Variants in SNTB1 observed in about 807,000 individuals in gnomAD.
The protein encoded by SNTB1 is beta-1-syntrophin.
Under a neutral mutation model 48.9 loss-of-function variants are expected in SNTB1, and 36 were observed. The ratio of observed to expected loss-of-function variants is 0.74; its 90% CI spans 0.56 to 0.97. SNTB1 has a LOEUF of 0.97. SNTB1 is among the 50% of genes least tolerant of loss of function. The probability of loss-of-function intolerance (pLI) is 0.00; values close to 1 mark genes in which losing one functional copy is unlikely to be tolerated. For synonymous variants in SNTB1, 299 were observed against 294.6 expected, an observed-to-expected ratio of 1.01 and a Z score of -0.15; for missense variants, 786 against 703.4, an observed-to-expected ratio of 1.12 and a Z score of -1.33.
At chr8:120,666,035 C>A (rs4307384) in intron 2 of SNTB1, among the ~76,000 whole-genome samples, 1 of 151,918 alleles carries the variant, frequency 6.6e-6, no homozygotes, top group Non-Finnish European at 1.5e-5. Flanking sequence ...GCTGTTTGGT[C>A]ATTCTGAGTC....
intron 3 of SNTB1, among the ~76,000 whole-genome samples, chr8:120,623,554 AC>A (rs1486192438): frequency 2.6e-5 from 4 of 152,128 alleles, no homozygotes; most frequent in Non-Finnish European, 4.4e-5. Flanking sequence ...CCCTAGTGCA[AC>A]CCCAATGTGG....
chr8:120,635,200 C>G (rs1190496015), intron 2 of SNTB1, among the ~76,000 whole-genome samples: 1 of 152,132 alleles, frequency 6.6e-6, no homozygotes, highest in Non-Finnish European at 1.5e-5. Flanking sequence ...CTCTTAGGCA[C>G]TTTTCAAAAA....
Position 120,693,796 on chromosome 8 carries a change from G to C in SNTB1, c.684C>G (p.Asp228Glu), listed in dbSNP as rs58509927. The change falls in exon 2 of 7, where the codon GAC (aspartate) becomes GAG (glutamate). Residue 228 changes from aspartate (D) to glutamate (E), a missense_variant. Transcript: ENST00000517992. ...AGGAGAAGGACTGCGATGACGGGGG[G>C]TCTGAGGTGCTGCCCCCTAACCGAG... The part of the protein sequence containing the change: ...ESPRLGGSTS[D>E]PPSSQSFSFH... 3.8e-3 allele frequency: 6,054 copies of C among 1,614,134 alleles called. 178 individuals carry two copies. In the African/African-American group the frequency reaches 0.071, roughly 19 times the overall value.
chr8:120,617,251 G>C (rs1236629810), intron 3 of SNTB1, among the ~76,000 whole-genome samples: 1 of 152,184 alleles, frequency 6.6e-6, no homozygotes, highest in Non-Finnish European at 1.5e-5. Context: ...GTTAAAGGCA[G>C]TAAGGAATAT....
intron 1 of SNTB1, among the ~76,000 whole-genome samples, chr8:120,748,191 TG>T (rs1371670360): frequency 1.3e-5 from 2 of 152,210 alleles, no homozygotes; most frequent in East Asian, 3.9e-4. Flanking sequence ...AGCTCTGTTG[TG>T]GCAACAGTGG....
At chr8:120,589,826 C>T (rs922558620) in intron 3 of SNTB1, among the ~76,000 whole-genome samples, 6 of 152,138 alleles carry the variant, frequency 3.9e-5, no homozygotes, top group Non-Finnish European at 7.3e-5. Context: ...CCAAATATCA[C>T]CACATTGGGA....
intron 1 of SNTB1, among the ~76,000 whole-genome samples, chr8:120,724,149 C>T (rs145350391): frequency 6.6e-6 from 1 of 152,310 alleles, no homozygotes; most frequent in East Asian, 1.9e-4. Context: ...AGCCTTTTTG[C>T]TGTAGGTTCA....
At chr8:120,623,764 A>G (rs1036944825) in intron 3 of SNTB1, among the ~76,000 whole-genome samples, 2 of 152,148 alleles carry the variant, frequency 1.3e-5, no homozygotes, top group Non-Finnish European at 2.9e-5. Flanking sequence ...TAGGAAAATC[A>G]TTGTGTTTTG....
At chr8:120,778,014 C>A (rs1428088541) in intron 1 of SNTB1, among the ~76,000 whole-genome samples, 1 of 152,220 alleles carries the variant, frequency 6.6e-6, no homozygotes, top group Non-Finnish European at 1.5e-5. Context: ...TGCTGTTTTG[C>A]AAACCACAGC....
chr8:120,644,502 T>A (rs947635870), intron 2 of SNTB1, among the ~76,000 whole-genome samples: 3 of 152,174 alleles, frequency 2.0e-5, no homozygotes, highest in Non-Finnish European at 4.4e-5. Flanking sequence ...TCATCATTTT[T>A]TATGGCTACA....
chr8:120,581,187 G>GA (rs545403788), intron 3 of SNTB1, among the ~76,000 whole-genome samples: 54 of 151,980 alleles, frequency 3.6e-4, no homozygotes, highest in Non-Finnish European at 5.3e-4. Context: ...AGGAGAATGA[G>GA]AAAAAAGGCC....
At chr8:120,742,716 T>C (rs188533543) in intron 1 of SNTB1, among the ~76,000 whole-genome samples, 3 of 152,320 alleles carry the variant, frequency 2.0e-5, no homozygotes, top group Admixed American at 2.0e-4. Context: ...CAGTAAGACA[T>C]TTCCTTCCTT....
chr8:120,766,604 A>G (rs1819528779), intron 1 of SNTB1, among the ~76,000 whole-genome samples: 1 of 152,322 alleles, frequency 6.6e-6, no homozygotes, highest in Middle Eastern at 3.4e-3. Context: ...ATCATATGCC[A>G]ATTATATATT....
At chr8:120,545,426 G>A (rs1486313892) in intron 5 of SNTB1, among the ~76,000 whole-genome samples, 1 of 152,178 alleles carries the variant, frequency 6.6e-6, no homozygotes, top group Non-Finnish European at 1.5e-5. Flanking sequence ...CCATGGGCCA[G>A]CAGCATCAGA....
chr8:120,612,353 G>A (rs1050339555), intron 3 of SNTB1, among the ~76,000 whole-genome samples: 1 of 152,124 alleles, frequency 6.6e-6, no homozygotes, highest in South Asian at 2.1e-4. Context: ...GCTTGCCCAG[G>A]TCACAAGGCT....
At chr8:120,798,292 C>T (rs1820156260) in intron 1 of SNTB1, among the ~76,000 whole-genome samples, 1 of 151,968 alleles carries the variant, frequency 6.6e-6, no homozygotes. Flanking sequence ...CCCAAGTGAC[C>T]ATAATATGTG....
intron 1 of SNTB1, among the ~76,000 whole-genome samples, chr8:120,788,463 T>C (rs956954999): frequency 6.6e-6 from 1 of 152,056 alleles, no homozygotes; most frequent in Non-Finnish European, 1.5e-5. Flanking sequence ...TTAAAAATCA[T>C]AAACCAAATA....
intron 4 of SNTB1, among the ~76,000 whole-genome samples, chr8:120,557,170 T>C (rs1448773201): frequency 1.3e-5 from 2 of 152,082 alleles, no homozygotes; most frequent in Non-Finnish European, 2.9e-5. Context: ...AAAGAGAAGA[T>C]TTTGTGTGAG....
In SNTB1 at chr8:120,631,464, G is replaced by T. The variant is rs142623914; in HGVS notation, c.996+980C>A. ...GGTGGAAAACCTGAGTATTATTTCG[G>T]GTGCCATTTGACTGGGCCTTCTCAG... On this transcript the variant is annotated intron_variant, in intron 3 of 6. Transcript: ENST00000517992. Among the ~76,000 whole-genome samples the T allele has an allele frequency of 2.0e-3, 306 of 152,212 alleles. 1 individual carries two copies. The highest frequency in any genetic ancestry group is 7.1e-3 in the African/African-American group (295 of 41,510).
Sources: gnomAD v4.1 joint callset for allele counts (sites outside exome capture counted in the v4.1 genomes callset) on GRCh38, gnomAD v4.1.1 for gene constraint, MANE v1.5 for transcripts, NCBI Gene and HGNC (gene_info 2026-07-23, HGNC 2026-07-21) for gene names.